Variants in TMEM178B observed in about 807,000 individuals in gnomAD.
TMEM178B encodes transmembrane protein 178B.
In TMEM178B, 5 loss-of-function variants were observed where a neutral mutation model predicts 31.0. That is an observed-to-expected ratio of 0.16 (90% CI 0.08 to 0.34). The LOEUF (loss-of-function observed/expected upper bound fraction) is 0.34, where lower values mean the gene tolerates loss of function less well. Ranked by LOEUF, TMEM178B falls within the 10% of genes least tolerant of loss-of-function variation. The pLI is 1.00. For missense variants in TMEM178B, 275 were observed against 400.3 expected (o/e 0.69, Z 2.67); for synonymous variants, 164 against 164.0 (o/e 1.00, Z 0.00).
At chr7:141,192,254 C>T (rs963483286) in intron 1 of TMEM178B, among the ~76,000 whole-genome samples, 2 of 152,238 alleles carry the variant, frequency 1.3e-5, no homozygotes, top group East Asian at 3.9e-4. Context: ...AGAGAGAGGA[C>T]AGGCAGAGGG....
intron 1 of TMEM178B, among the ~76,000 whole-genome samples, chr7:141,105,194 C>T (rs1391107518): frequency 6.6e-6 from 1 of 152,132 alleles, no homozygotes; most frequent in Non-Finnish European, 1.5e-5. Flanking sequence ...AACCCCTACT[C>T]CACCCCAAGA....
At chr7:141,346,326 A>G (rs1284716463) in intron 2 of TMEM178B, among the ~76,000 whole-genome samples, 1 of 152,210 alleles carries the variant, frequency 6.6e-6, no homozygotes, top group Non-Finnish European at 1.5e-5. Context: ...GGATAGAGAA[A>G]TACTAAAAAA....
chr7:141,369,665 T>G lies in TMEM178B; in HGVS notation c.497-67943T>G, dbSNP rs574833864. On this transcript the variant is annotated intron_variant, in intron 2 of 3. Coordinates refer to ENST00000565468, the MANE Select transcript of TMEM178B (RefSeq NM_001195278.2). ...CTGCAGACTGGCTGTGAGCCCAGGTTTACAGAAGTTCACTTCAGACAAATA... is the reference window on the plus strand; with the variant it reads ...CTGCAGACTGGCTGTGAGCCCAGGTGTACAGAAGTTCACTTCAGACAAATA... Among the ~76,000 whole-genome samples the G allele has an allele frequency of 2.0e-5, 3 of 152,312 alleles. No homozygotes were observed. The South Asian group carries it at 6.2e-4, about 32-fold the overall frequency.
At chr7:141,403,849 A>T (rs1169802942) in intron 2 of TMEM178B, among the ~76,000 whole-genome samples, 1 of 152,198 alleles carries the variant, frequency 6.6e-6, no homozygotes, top group Non-Finnish European at 1.5e-5. Context: ...CTCCCTCAAA[A>T]TGCATCACTT....
intron 2 of TMEM178B, among the ~76,000 whole-genome samples, chr7:141,288,616 G>A (rs914468648): frequency 5.3e-5 from 8 of 151,848 alleles, no homozygotes; most frequent in South Asian, 2.1e-4. Context: ...TGACAGTCCC[G>A]CTGCCCTATC....
chr7:141,205,157 C>G (rs953435195), intron 1 of TMEM178B, among the ~76,000 whole-genome samples: 1 of 152,176 alleles, frequency 6.6e-6, no homozygotes, highest in Non-Finnish European at 1.5e-5. Flanking sequence ...GTGCTGGAAA[C>G]TGCTCTTTGA....
rs117919095 is a variant in TMEM178B, at chr7:141,228,847, G to T, written c.496+16143G>T. Among the ~76,000 whole-genome samples the T allele has an allele frequency of 1.8e-4, 27 of 152,234 alleles. 1 individual carries two copies. Among genetic ancestry groups the T allele is most frequent in the East Asian group, 5.8e-4 (3 of 5,180 alleles). ...ACTATTGATCAACTTCGTCATCATT[G>T]TTGGCCTCATCATTAAGTATTTATA... On this transcript the variant is annotated intron_variant, in intron 2 of 3. Transcript: ENST00000565468.
At chr7:141,325,468 C>T (rs1586892874) in intron 2 of TMEM178B, among the ~76,000 whole-genome samples, 1 of 152,180 alleles carries the variant, frequency 6.6e-6, no homozygotes, top group South Asian at 2.1e-4. Flanking sequence ...CCACTGTCCC[C>T]CAGGGACCAA....
chr7:141,139,447 G>A (rs1795731683), intron 1 of TMEM178B, among the ~76,000 whole-genome samples: 1 of 152,116 alleles, frequency 6.6e-6, no homozygotes, highest in African/African-American at 2.4e-5. Context: ...ACCCTTCTGG[G>A]CTCAAGAGAT....
intron 2 of TMEM178B, among the ~76,000 whole-genome samples, chr7:141,362,626 A>C (rs1369956492): frequency 6.6e-6 from 1 of 152,194 alleles, no homozygotes; most frequent in African/African-American, 2.4e-5. Flanking sequence ...AAATCTAAGA[A>C]TCATCACTCT....
intron 1 of TMEM178B, among the ~76,000 whole-genome samples, chr7:141,081,599 G>A (rs1417855141): frequency 6.6e-6 from 1 of 151,158 alleles, no homozygotes; most frequent in Non-Finnish European, 1.5e-5. Flanking sequence ...TTGCACCATT[G>A]CGCTCCAGCC....
At chr7:141,341,548 C>T (rs1479488588) in intron 2 of TMEM178B, among the ~76,000 whole-genome samples, 1 of 152,152 alleles carries the variant, frequency 6.6e-6, no homozygotes, top group African/African-American at 2.4e-5. Context: ...TTCAGCTCCC[C>T]CTGAGGAAGA....
intron 2 of TMEM178B, among the ~76,000 whole-genome samples, chr7:141,233,822 C>T (rs1797484859): frequency 6.6e-6 from 1 of 152,162 alleles, no homozygotes; most frequent in African/African-American, 2.4e-5. Flanking sequence ...TGCATCTGTC[C>T]CTATCACATG....
chr7:141,334,459 C>T (rs897704320), intron 2 of TMEM178B, among the ~76,000 whole-genome samples: 2 of 152,148 alleles, frequency 1.3e-5, no homozygotes, highest in Non-Finnish European at 2.9e-5. Context: ...GCTGTTGTGG[C>T]CAGTTCCTAT....
In TMEM178B at chr7:141,470,771, T is replaced by C; in HGVS notation, c.870T>C (p.Asn290=). Reference sequence around the variant, plus strand: ...ACTACCCTAAATCCAGACCCGAGAATGGGACAGTGTGCTAAAAAACAAACC... The same window carrying C: ...ACTACCCTAAATCCAGACCCGAGAACGGGACAGTGTGCTAAAAAACAAACC... ...RTNYPKSRPE[N]GTVC Residue 290 remains asparagine (N), a synonymous_variant, in exon 4 of 4, where the codon AAT becomes AAC. Transcript: ENST00000565468. 1 of 1,502,938 alleles carries C rather than the reference T, an allele frequency of 6.7e-7. No individual in the cohort carries two copies. Among genetic ancestry groups the C allele is most frequent in the Non-Finnish European group, 8.8e-7 (1 of 1,131,454 alleles). The allele number at this position is 1,502,938 out of a possible 1,614,324, so 93.1% of individuals were successfully genotyped here.
At chr7:141,161,836 A>C (rs1370710546) in intron 1 of TMEM178B, among the ~76,000 whole-genome samples, 1 of 151,820 alleles carries the variant, frequency 6.6e-6, no homozygotes, top group Non-Finnish European at 1.5e-5. Flanking sequence ...TGAGTGTGTG[A>C]GAGAAGCAGA....
intron 2 of TMEM178B, among the ~76,000 whole-genome samples, chr7:141,290,576 C>A (rs1316676030): frequency 6.6e-6 from 1 of 152,200 alleles, no homozygotes; most frequent in Non-Finnish European, 1.5e-5. Context: ...CGCACACACA[C>A]GTGCATGCAC....
intron 3 of TMEM178B, among the ~76,000 whole-genome samples, chr7:141,459,067 T>TA (rs1802015461): frequency 6.6e-6 from 1 of 152,228 alleles, no homozygotes; most frequent in Admixed American, 6.5e-5. Flanking sequence ...TTCACTCTTA[T>TA]TGCCCAGGCT....
In TMEM178B at chr7:141,245,170, C is replaced by CAAAAAAAAAAA. The variant is rs59281560; in HGVS notation, c.496+32496_496+32506dup. On this transcript the variant is annotated intron_variant, in intron 2 of 3. Transcript: ENST00000565468. ...GGGTGACAGAGCAAGACTCCATCAC[C>CAAAAAAAAAAA]AAAAAAAAAAAAAAAAAAAAAAAAA... Among the ~76,000 whole-genome samples the CAAAAAAAAAAA allele has an allele frequency of 5.6e-4, 13 of 23,110 alleles. 2 individuals carry two copies. Among genetic ancestry groups the CAAAAAAAAAAA allele is most frequent in the African/African-American group, 1.5e-3 (9 of 6,124 alleles). The allele number at this position is 23,110 out of a possible 152,430, so 15.2% of individuals were successfully genotyped here. A position where few individuals can be genotyped will look rare whatever the true frequency, so the allele number is the denominator to read the frequency against.
Sources: gnomAD v4.1 joint callset for allele counts (sites outside exome capture counted in the v4.1 genomes callset) on GRCh38, gnomAD v4.1.1 for gene constraint, MANE v1.5 for transcripts, NCBI Gene and HGNC (gene_info 2026-07-23, HGNC 2026-07-21) for gene names.